The following GLRA3 variants were observed in gnomAD, a reference collection of about 807,000 sequenced individuals.
GLRA3 encodes glycine receptor subunit alpha-3.
In GLRA3, 44 loss-of-function variants were observed where a neutral mutation model predicts 60.4. The observed-to-expected ratio is 0.73, with a 90% confidence interval of 0.57 to 0.94. The LOEUF (loss-of-function observed/expected upper bound fraction) is 0.94, where lower values mean the gene tolerates loss of function less well. Ranked by LOEUF, GLRA3 falls within the 40% of genes least tolerant of loss-of-function variation. The pLI, the probability that GLRA3 is intolerant of heterozygous loss-of-function variation, is 0.00. For synonymous variants in GLRA3, 223 were observed against 192.9 expected (o/e 1.16, Z -1.29); for missense variants, 508 against 564.6 (o/e 0.90, Z 1.02).
At chr4:174,744,948 T>C (rs1257226715) in intron 3 of GLRA3, among the ~76,000 whole-genome samples, 2 of 152,132 alleles carry the variant, frequency 1.3e-5, no homozygotes, top group African/African-American at 4.8e-5. Context: ...ACAAAAGGGA[T>C]AGCTATCTTA....
chr4:174,756,994 AAAC>A lies in GLRA3; in HGVS notation c.267+9966_267+9968del. On this transcript the variant is annotated intron_variant, in intron 3 of 9. Transcript: ENST00000274093. Reference sequence around the variant, plus strand: ...TGCTGTGCGCTTTTCAACTGATGTCAAACAACAAAAAGACAAAGGTAGCCATTC... The same window carrying A: ...TGCTGTGCGCTTTTCAACTGATGTCAAACAAAAAGACAAAGGTAGCCATTC... Among the ~76,000 whole-genome samples the A allele has an allele frequency of 2.0e-5, 3 of 152,322 alleles. No individual in the cohort carries two copies. In the South Asian group the frequency reaches 6.2e-4, roughly 32 times the overall value.
At chr4:174,759,148 CA>C (rs1173704142) in intron 3 of GLRA3, among the ~76,000 whole-genome samples, 1 of 151,838 alleles carries the variant, frequency 6.6e-6, no homozygotes, top group South Asian at 2.1e-4. Context: ...GTTGAAACAT[CA>C]AGACAAGAAA....
intron 5 of GLRA3, among the ~76,000 whole-genome samples, chr4:174,684,040 T>C (rs775270545): frequency 4.6e-5 from 7 of 152,172 alleles, no homozygotes; most frequent in Non-Finnish European, 8.8e-5. Context: ...ATTTTTATCA[T>C]GGAAAAATTT....
chr4:174,789,575 G>T (rs1295405089), intron 1 of GLRA3, among the ~76,000 whole-genome samples: 1 of 152,114 alleles, frequency 6.6e-6, no homozygotes, highest in African/African-American at 2.4e-5. Flanking sequence ...TGTGCACCTG[G>T]ATATTATATT....
chr4:174,816,790 T>A (rs1438245129), intron 1 of GLRA3, among the ~76,000 whole-genome samples: 3 of 152,194 alleles, frequency 2.0e-5, no homozygotes, highest in Non-Finnish European at 4.4e-5. Context: ...TCTCTTTTTT[T>A]AATTTGTGTT....
chr4:174,802,507 T>C (rs1739853938), intron 1 of GLRA3, among the ~76,000 whole-genome samples: 1 of 152,144 alleles, frequency 6.6e-6, no homozygotes, highest in Non-Finnish European at 1.5e-5. Flanking sequence ...TCTTGTTTTT[T>C]TGTGCATAGT....
At chr4:174,808,466 C>A (rs757434683) in intron 1 of GLRA3, among the ~76,000 whole-genome samples, 4 of 152,100 alleles carry the variant, frequency 2.6e-5, no homozygotes, top group Non-Finnish European at 4.4e-5. Flanking sequence ...CAATTATGTA[C>A]AGTACATAAT....
chr4:174,821,010 C>T (rs1056359366), intron 1 of GLRA3, among the ~76,000 whole-genome samples: 6 of 152,084 alleles, frequency 3.9e-5, no homozygotes, highest in Non-Finnish European at 7.4e-5. Context: ...CTGTTGAAAT[C>T]TTGCTTTATA....
In GLRA3 at chr4:174,714,958, T is replaced by C. The variant is rs552314809; in HGVS notation, c.574+530A>G. Among the ~76,000 whole-genome samples, 10 of 152,302 alleles carry C rather than the reference T, an allele frequency of 6.6e-5. No individual in the cohort carries two copies. The South Asian group carries it at 2.1e-3, about 32-fold the overall frequency. On this transcript the variant is annotated intron_variant, in intron 5 of 9. Transcript: ENST00000274093. The stretch of plus-strand genomic sequence containing the variant: ...ATTTTTTCTTCTGAGCTAACATACA[T>C]AACATACCCAGCAGAGTGATATTAA...
chr4:174,648,747 C>T (rs1474177823), intron 9 of GLRA3, among the ~76,000 whole-genome samples: 1 of 152,096 alleles, frequency 6.6e-6, no homozygotes, highest in African/African-American at 2.4e-5. Flanking sequence ...AGCTACTACA[C>T]TGGGTTTTAC....
Position 174,743,160 on chromosome 4 carries a change from T to G in GLRA3, c.268-14462A>C, listed in dbSNP as rs192913405. 1.7e-4 allele frequency among the ~76,000 whole-genome samples: 26 copies of G among 152,310 alleles called. No individual in the cohort carries two copies. The East Asian group carries it at 5.0e-3, about 29-fold the overall frequency. ...TCTGCTAATGTTAATATTTTACATA[T>G]TCATAGTAGTTTTTGAAACCTAAAA... is the stretch of plus-strand genomic sequence containing the variant. On this transcript the variant is annotated intron_variant, in intron 3 of 9. Transcript: ENST00000274093.
rs772442290 is a variant in GLRA3, at chr4:174,643,964, G to T, written c.1217C>A (p.Pro406His). ...DGMTPKGPNH[P>H]VQVMPKSPDE... ...AGGACTTTTTGGCATTACCTGGACAGGGTGGTTGGGGCCCTTTGGAGTCAT... is the reference window on the plus strand; with the variant it reads ...AGGACTTTTTGGCATTACCTGGACATGGTGGTTGGGGCCCTTTGGAGTCAT... The change falls in exon 10 of 10, where the codon CCT becomes CAT. Residue 406 changes from proline (P) to histidine (H), a missense_variant. Physicochemically the swap from Pro to His is moderately conservative, Grantham distance 77. Transcript: ENST00000274093. The T allele has an allele frequency of 3.7e-6, 6 of 1,613,858 alleles. No homozygotes were observed. The East Asian group carries it at 8.9e-5, about 24-fold the overall frequency.
chr4:174,671,919 G>A (rs971561548), intron 7 of GLRA3, among the ~76,000 whole-genome samples: 3 of 152,058 alleles, frequency 2.0e-5, no homozygotes, highest in African/African-American at 7.2e-5. Context: ...CCAAAGTGCT[G>A]GGATTACAGA....
chr4:174,731,283 AAT>A (rs1736535906), intron 3 of GLRA3, among the ~76,000 whole-genome samples: 1 of 152,124 alleles, frequency 6.6e-6, no homozygotes. Context: ...CCCAGCAACC[AAT>A]TATATTAATT....
At chr4:174,651,308 C>T (rs1432335260) in intron 9 of GLRA3, among the ~76,000 whole-genome samples, 1 of 152,056 alleles carries the variant, frequency 6.6e-6, no homozygotes, top group African/African-American at 2.4e-5. Context: ...ATGACAAGGA[C>T]ATGGAAAGTC....
chr4:174,774,331 A>T (rs6838010), intron 2 of GLRA3, among the ~76,000 whole-genome samples: 111,406 of 151,912 alleles, frequency 0.73, 41,137 homozygotes, highest in East Asian at 0.99. Flanking sequence ...GAAGTATAGA[A>T]GAAAATCGAT....
chr4:174,660,134 C>G (rs1235778488), intron 7 of GLRA3, among the ~76,000 whole-genome samples: 1 of 151,974 alleles, frequency 6.6e-6, no homozygotes, highest in Non-Finnish European at 1.5e-5. Flanking sequence ...ATACACTCAA[C>G]AAAATCAAAA....
rs151227619 is a variant in GLRA3 at position 174,822,287 on chromosome 4, C to T, written c.71+6454G>A. 2.7e-3 allele frequency among the ~76,000 whole-genome samples: 412 copies of T among 152,252 alleles called. 2 individuals are homozygous for T. Among genetic ancestry groups the T allele is most frequent in the Admixed American group, 5.0e-3 (77 of 15,292 alleles). ...GCTCTCTGAAACTAGAGAATCCAAA[C>T]TTCATGCATGGAGCACCTCCATGGA... On this transcript the variant is annotated intron_variant, in intron 1 of 9. Transcript: ENST00000274093.
chr4:174,765,038 G>T (rs949835080), intron 3 of GLRA3, among the ~76,000 whole-genome samples: 2 of 152,002 alleles, frequency 1.3e-5, no homozygotes, highest in Non-Finnish European at 2.9e-5. Context: ...AGTGATAGAT[G>T]CTCAAAGTGA....
Sources: allele counts gnomAD v4.1 joint callset (sites outside exome capture counted in the v4.1 genomes callset), GRCh38; gene constraint gnomAD v4.1.1; transcripts MANE v1.5; gene names NCBI Gene and HGNC (gene_info 2026-07-23, HGNC 2026-07-21).